The following LOC122539214 variants were observed in gnomAD, a reference collection of about 807,000 sequenced individuals.
the LOC122539214 span, chr19:52,654,220 T>C: frequency 4.4e-4 from 691 of 1,585,836 alleles, 4 homozygotes; most frequent in African/African-American, 7.3e-3. Flanking sequence ...GGGTGCTTCA[T>C]GGCCATTTCT....
At chr19:52,673,988 C>A in the LOC122539214 span, among the ~76,000 whole-genome samples, 1 of 142,978 alleles carries the variant, frequency 7.0e-6, no homozygotes, top group South Asian at 2.2e-4. Flanking sequence ...TGCCCTGCAG[C>A]CTGGGTAACA....
At chr19:52,654,497 A>G in the LOC122539214 span, 4 of 516,288 alleles carry the variant, frequency 7.7e-6, no homozygotes, top group East Asian at 1.4e-4. Flanking sequence ...AAAAAGCAAT[A>G]CTTATTTTAA....
the LOC122539214 span, among the ~76,000 whole-genome samples, chr19:52,661,833 A>G: frequency 6.6e-6 from 1 of 152,186 alleles, no homozygotes; most frequent in South Asian, 2.1e-4. Context: ...GGGAGATCAC[A>G]AAGGTTACTG....
the LOC122539214 span, among the ~76,000 whole-genome samples, chr19:52,684,910 G>A: frequency 1.3e-5 from 2 of 152,184 alleles, no homozygotes; most frequent in Non-Finnish European, 2.9e-5. Flanking sequence ...TGAGGAGTTG[G>A]GCTTTTGTCC....
the LOC122539214 span, among the ~76,000 whole-genome samples, chr19:52,657,597 C>T: frequency 2.0e-5 from 3 of 152,200 alleles, no homozygotes; most frequent in East Asian, 1.9e-4. Flanking sequence ...CCTGTAATCC[C>T]AGCACTTTGG....
At chr19:52,677,531 G>A in the LOC122539214 span, among the ~76,000 whole-genome samples, 2 of 151,298 alleles carry the variant, frequency 1.3e-5, no homozygotes, top group South Asian at 2.1e-4. Flanking sequence ...GCAGTATGGC[G>A]GTCTGAGGTA....
At chr19:52,689,870 T>C in the LOC122539214 span, among the ~76,000 whole-genome samples, 1 of 152,342 alleles carries the variant, frequency 6.6e-6, no homozygotes, top group Non-Finnish European at 1.5e-5. Flanking sequence ...GAACACCCCG[T>C]GTCACAGGAC....
the LOC122539214 span, among the ~76,000 whole-genome samples, chr19:52,680,502 T>C: frequency 1.3e-5 from 2 of 151,592 alleles, no homozygotes; most frequent in Non-Finnish European, 2.9e-5. Flanking sequence ...AAAGAGAAAA[T>C]AAGTACTAAT....
the LOC122539214 span, chr19:52,654,780 A>C: frequency 6.4e-6 from 1 of 155,744 alleles, no homozygotes; most frequent in Non-Finnish European, 1.4e-5. Flanking sequence ...TGTCCTCCCT[A>C]AGAGGAATTT....
the LOC122539214 span, among the ~76,000 whole-genome samples, chr19:52,665,317 G>A: frequency 1.2e-3 from 180 of 152,170 alleles, 1 homozygote; most frequent in Non-Finnish European, 1.7e-3. Flanking sequence ...TCAGGAAGCA[G>A]GGGTAGGAGG....
chr19:52,654,575 G>C, the LOC122539214 span, among the ~76,000 whole-genome samples: 1 of 152,122 alleles, frequency 6.6e-6, no homozygotes. Flanking sequence ...AAATTAGCCA[G>C]GCATGGTGGT....
the LOC122539214 span, among the ~76,000 whole-genome samples, chr19:52,679,655 AT>A: frequency 3.3e-5 from 5 of 152,160 alleles, no homozygotes; most frequent in Non-Finnish European, 7.4e-5. Flanking sequence ...GGAAACACTT[AT>A]CAGTCAGTGT....
chr19:52,665,749 T>C, the LOC122539214 span, among the ~76,000 whole-genome samples: 7 of 152,242 alleles, frequency 4.6e-5, no homozygotes, highest in East Asian at 5.8e-4. Context: ...TCCTAGCCGA[T>C]AGGGGAATGA....
At chr19:52,690,156 C>G in the LOC122539214 span, among the ~76,000 whole-genome samples, 104 of 133,398 alleles carry the variant, frequency 7.8e-4, 1 homozygote, top group African/African-American at 2.7e-3. Flanking sequence ...AAGCGCGGGG[C>G]GGGAGGAGTC....
the LOC122539214 span, among the ~76,000 whole-genome samples, chr19:52,666,101 TTGCAGTGAGCCAAGATCGCACCAC>T: frequency 7.3e-5 from 11 of 150,118 alleles, no homozygotes; most frequent in East Asian, 2.1e-3. Context: ...GAGGCGGAGC[TTGCAGTGAGCCAAGATCGCACCAC>T]TGCACTCCAG....
chr19:52,681,495 G>T, the LOC122539214 span, among the ~76,000 whole-genome samples: 3 of 152,056 alleles, frequency 2.0e-5, no homozygotes, highest in Admixed American at 6.5e-5. Context: ...TAACATTTTT[G>T]AATGCTTCCC....
the LOC122539214 span, among the ~76,000 whole-genome samples, chr19:52,679,054 A>G: frequency 6.6e-6 from 1 of 152,142 alleles, no homozygotes; most frequent in Non-Finnish European, 1.5e-5. Context: ...ATTGATGAAA[A>G]CCATATCTGT....
chr19:52,650,680 G>A, the LOC122539214 span: 17 of 152,148 alleles, frequency 1.1e-4, no homozygotes, highest in Admixed American at 1.1e-3. Flanking sequence ...AGGATTTAAA[G>A]CCAAAGTCTC....
At chr19:52,655,472 C>T in the LOC122539214 span, 62 of 1,228,262 alleles carry the variant, frequency 5.0e-5, no homozygotes, top group East Asian at 1.0e-3. Context: ...AGCATGTATG[C>T]GGCAAAATCA....
Sources: allele counts gnomAD v4.1 joint callset (sites outside exome capture counted in the v4.1 genomes callset), GRCh38; gene constraint gnomAD v4.1.1; transcripts MANE v1.5.